The following CDK5RAP3 variants were observed in gnomAD, a reference collection of about 807,000 sequenced individuals.
CDK5RAP3 encodes the protein CDK5 regulatory subunit-associated protein 3.
In CDK5RAP3, 58 loss-of-function variants were observed where a neutral mutation model predicts 73.3. The ratio of observed to expected loss-of-function variants is 0.79; its 90% CI spans 0.64 to 0.98. The LOEUF is 0.98. CDK5RAP3 is among the 50% of genes least tolerant of loss of function. The pLI is 0.00. For missense variants in CDK5RAP3, 525 were observed against 615.8 expected (o/e 0.85, Z 1.56); for synonymous variants, 224 against 247.5 (o/e 0.91, Z 0.89).
In CDK5RAP3 at chr17:47,977,912, T is replaced by C; in HGVS notation, c.988+2T>C. The stretch of plus-strand genomic sequence containing the variant: ...CAGTGCTGGAAGCAGGAACCCAGGG[T>C]AAGTGCACCATCCCCTGCAGCCCTG... On this transcript the variant is annotated splice_donor_variant, in intron 10 of 13. Transcript: ENST00000338399. LOFTEE classifies it high-confidence loss of function. 1 of 1,613,662 alleles carries C rather than the reference T, an allele frequency of 6.2e-7. No individual in the cohort carries two copies. The highest frequency in any genetic ancestry group is 8.5e-7 in the Non-Finnish European group (1 of 1,179,694).
intron 10 of CDK5RAP3, chr17:47,978,526 G>T: frequency 2.8e-6 from 1 of 363,114 alleles, no homozygotes; most frequent in Non-Finnish European, 5.1e-6. Context: ...AGTGGTGTCT[G>T]AGCCACTAGA....
chr17:47,970,415 G>T, upstream of CDK5RAP3: 1 of 502,140 alleles, frequency 2.0e-6, no homozygotes, highest in South Asian at 2.4e-5. Flanking sequence ...CTGCCTGCCT[G>T]TTGTTGCTTG....
chr17:47,979,428 G>A (rs2036501351), intron 11 of CDK5RAP3: 1 of 154,494 alleles, frequency 6.5e-6, no homozygotes, highest in Admixed American at 6.5e-5. Flanking sequence ...GAGAGAGCAA[G>A]TGCAGAGGTC....
At chr17:47,980,562 C>T (rs1798558528) in intron 11 of CDK5RAP3, 31 bp from the exon 12 acceptor site, 1 of 1,602,778 alleles carries the variant, frequency 6.2e-7, no homozygotes, top group Non-Finnish European at 8.5e-7. Flanking sequence ...CCATCATGTA[C>T]AGCCTGAACC....
At chr17:47,977,992 C>T in intron 10 of CDK5RAP3, 82 bp downstream of exon 10, 1 of 975,326 alleles carries the variant, frequency 1.0e-6, no homozygotes, top group Non-Finnish European at 1.6e-6. Flanking sequence ...AAATGCAGCG[C>T]TAAGATGAGG....
chr17:47,970,911 C>T (rs942947460), upstream of CDK5RAP3: 29 of 1,446,108 alleles, frequency 2.0e-5, no homozygotes, highest in African/African-American at 2.6e-4. Flanking sequence ...CGCCTCGCGT[C>T]TCCAATTGGC....
chr17:47,971,479 C>T, intron 2 of CDK5RAP3, 72 bp downstream of exon 2: 1 of 1,422,474 alleles, frequency 7.0e-7, no homozygotes, highest in Non-Finnish European at 9.5e-7. Context: ...GTCCAATAGC[C>T]GGGAGCTCTG....
In CDK5RAP3 at chr17:47,971,417, G is replaced by T. The variant is rs2036262538; in HGVS notation, c.52+10G>T. ...ACCAGCAAGCTGCTCGGTAGGAGGG[G>T]GCGCCACCGCGCAGCTGGCTGTCGG... On this transcript the variant is annotated intron_variant, in intron 2 of 13. Coordinates refer to ENST00000338399, the MANE Select transcript of CDK5RAP3 (RefSeq NM_176096.3). 3 of 1,598,174 alleles carry T rather than the reference G, an allele frequency of 1.9e-6. No individual in the cohort carries two copies. Among genetic ancestry groups the T allele is most frequent in the African/African-American group, 1.3e-5 (1 of 74,610 alleles).
chr17:47,971,022 A>T, upstream of CDK5RAP3: 1 of 1,518,536 alleles, frequency 6.6e-7, no homozygotes, highest in Admixed American at 2.1e-5. Flanking sequence ...GGCTGTACGG[A>T]AGGCGGCGAC....
chr17:47,976,643 C>T, intron 8 of CDK5RAP3, 69 bp from the exon 9 acceptor site: 9 of 1,079,726 alleles, frequency 8.3e-6, no homozygotes, highest in Non-Finnish European at 1.3e-5. Context: ...GGGTTACAGA[C>T]ATGAGCCACC....
upstream of CDK5RAP3, chr17:47,971,069 C>G: frequency 1.3e-6 from 2 of 1,550,564 alleles, no homozygotes; most frequent in Admixed American, 3.9e-5. Flanking sequence ...TAAACGGAGG[C>G]TCGGCCACAA....
rs752025669 is a variant in CDK5RAP3, at chr17:47,976,789, C to G, written c.876C>G (p.Ile292Met). Residue 292 changes from isoleucine to methionine, a missense_variant, in exon 9 of 14, where the codon ATC becomes ATG. Transcript: ENST00000338399. ...GCATCTCTGCCGAGGCTGCTGGAAT[C>G]GACTGGGGCATCTTCCCGGAATCAG... ...DSGISAEAAG[I>M]DWGIFPESDS... 9.3e-6 allele frequency: 15 copies of G among 1,610,856 alleles called. No individual in the cohort carries two copies. The highest frequency in any genetic ancestry group is 1.1e-5 in the Non-Finnish European group (13 of 1,178,324).
intron 9 of CDK5RAP3, 86 bp from the exon 10 acceptor site, chr17:47,977,746 A>G: frequency 1.8e-6 from 2 of 1,103,564 alleles, no homozygotes; most frequent in Non-Finnish European, 2.7e-6. Context: ...GCAGCCATTG[A>G]CCTCATCAAG....
Position 47,981,490 on chromosome 17 carries a change from A to C in CDK5RAP3, c.1509A>C (p.Gly503=). The C allele has an allele frequency of 6.2e-7, 1 of 1,614,196 alleles. No individual in the cohort carries two copies. The highest frequency in any genetic ancestry group is 2.2e-5 in the East Asian group (1 of 44,882). Reference sequence around the variant, plus strand: ...GCGGGCGCCCTGTGAACCTGATGGGAACCTCTCTGTGACACCCTCCGTGTT... The same window carrying C: ...GCGGGCGCCCTGTGAACCTGATGGGCACCTCTCTGTGACACCCTCCGTGTT... ...RYSGRPVNLM[G]TSL Residue 503 remains glycine, a synonymous_variant, in exon 14 of 14, where the codon GGA becomes GGC. Transcript: ENST00000338399.
intron 5 of CDK5RAP3, chr17:47,974,738 G>GCCC (rs2036356223): frequency 2.5e-5 from 33 of 1,311,840 alleles, no homozygotes; most frequent in Non-Finnish European, 3.0e-5. Context: ...GGAGTGTGCT[G>GCCC]CCCCCACCCC....
chr17:47,980,623 G>A lies in CDK5RAP3; in HGVS notation c.1108G>A (p.Glu370Lys). The A allele has an allele frequency of 6.2e-7, 1 of 1,613,508 alleles. No individual in the cohort carries two copies. Among genetic ancestry groups the A allele is most frequent in the Non-Finnish European group, 8.5e-7 (1 of 1,180,008 alleles). The change falls in exon 12 of 14, where the codon GAG (glutamate) becomes AAG (lysine). Residue 370 changes from glutamate to lysine, a missense_variant. Physicochemically the swap from Glu to Lys is moderately conservative, Grantham distance 56. Transcript: ENST00000338399. ...GATCTTCTTAGCCCAGAGAGCAGTG[G>A]AGTTGAGTGAGGAGGCAGATGTCCT... ...LEIFLAQRAV[E>K]LSEEADVLSV...
rs760884401 is a variant in CDK5RAP3 at position 47,974,470 on chromosome 17, GC to G, written c.334+25del. On this transcript the variant is annotated intron_variant, in intron 5 of 13. Transcript: ENST00000338399. ...TTAGGTAAAGTGGCCCGGCCTGGGAGCCCTGGTATCCATGGGGAAGCCCACT... is the reference window on the plus strand; with the variant it reads ...TTAGGTAAAGTGGCCCGGCCTGGGAGCCTGGTATCCATGGGGAAGCCCACT... 3.6e-5 allele frequency: 58 copies of G among 1,614,146 alleles called. No homozygotes were observed. The East Asian group carries it at 1.0e-3, about 29-fold the overall frequency.
At chr17:47,980,518 T>C (rs2144244901) in intron 11 of CDK5RAP3, 75 bp from the exon 12 acceptor site, 1 of 1,353,306 alleles carries the variant, frequency 7.4e-7, no homozygotes, top group East Asian at 2.3e-5. Flanking sequence ...CCTCCTGCCT[T>C]GGCCTCCCAC....
intron 10 of CDK5RAP3, among the ~76,000 whole-genome samples, chr17:47,978,290 C>T (rs1208521061): frequency 6.6e-6 from 1 of 151,754 alleles, no homozygotes; most frequent in East Asian, 1.9e-4. Flanking sequence ...AGGCTGGTCT[C>T]GAACTCTTGA....
Sources: gnomAD v4.1 joint callset for allele counts (sites outside exome capture counted in the v4.1 genomes callset) on GRCh38, gnomAD v4.1.1 for gene constraint, MANE v1.5 for transcripts, NCBI Gene and HGNC (gene_info 2026-07-23, HGNC 2026-07-21) for gene names.